Variants in SPTLC3 observed in about 807,000 individuals in gnomAD.
SPTLC3 encodes the protein serine palmitoyltransferase long chain base subunit 3.
In SPTLC3, 36 loss-of-function variants were observed where a neutral mutation model predicts 59.3. That is an observed-to-expected ratio of 0.61 (90% CI 0.47 to 0.80). SPTLC3 has a LOEUF of 0.80. Ranked by LOEUF, SPTLC3 falls within the 30% of genes least tolerant of loss-of-function variation. The probability of loss-of-function intolerance (pLI) is 0.00; values close to 1 mark genes in which losing one functional copy is unlikely to be tolerated. For missense variants in SPTLC3, 625 were observed against 685.1 expected (o/e 0.91, Z 0.98); for synonymous variants, 257 against 240.8 (o/e 1.07, Z -0.62).
intron 9 of SPTLC3, among the ~76,000 whole-genome samples, chr20:13,142,736 T>C (rs1352317283): frequency 2.0e-5 from 3 of 152,120 alleles, no homozygotes; most frequent in Admixed American, 1.3e-4. Flanking sequence ...TCCTCCAAGC[T>C]CACATGGCTG....
intron 2 of SPTLC3, among the ~76,000 whole-genome samples, chr20:13,067,674 A>G (rs950673832): frequency 2.6e-5 from 4 of 152,208 alleles, no homozygotes; most frequent in African/African-American, 9.7e-5. Flanking sequence ...TAAGAATAAA[A>G]TTTAAATTTA....
At chr20:13,112,580 T>A (rs1410834647) in intron 7 of SPTLC3, among the ~76,000 whole-genome samples, 1 of 152,186 alleles carries the variant, frequency 6.6e-6, no homozygotes, top group African/African-American at 2.4e-5. Context: ...TTGGAAGCCA[T>A]CCACCACAGT....
chr20:13,160,248 A>G, intron 11 of SPTLC3, 116 bp downstream of exon 11: 1 of 1,280,596 alleles, frequency 7.8e-7, no homozygotes, highest in Non-Finnish European at 1.0e-6. Context: ...TTAGGAAAAC[A>G]ACACTGACAA....
rs2039012910 is a variant in SPTLC3, at chr20:13,168,525, A to G, written c.*3658A>G. 6.6e-6 allele frequency: 1 copy of G among 152,132 alleles called. No homozygotes were observed. Among genetic ancestry groups the G allele is most frequent in the Admixed American group, 6.6e-5 (1 of 15,264 alleles). 9.4% of individuals were successfully genotyped at this position (152,132 alleles called of 1,614,324 possible). A position where few individuals can be genotyped will look rare whatever the true frequency, so the allele number is the denominator to read the frequency against. ...TTCTGTTTTCTTTTCCTGCTCTTTAAAAAACAACCTTCAACCTCTGATTAT... is the reference window on the plus strand; with the variant it reads ...TTCTGTTTTCTTTTCCTGCTCTTTAGAAAACAACCTTCAACCTCTGATTAT... On this transcript the variant is annotated 3_prime_UTR_variant, in exon 12 of 12. Transcript: ENST00000399002.
chr20:13,073,607 T>C (rs1203669287), intron 3 of SPTLC3: 2 of 238,958 alleles, frequency 8.4e-6, no homozygotes, highest in Non-Finnish European at 1.7e-5. Context: ...TAGGAGTTTG[T>C]TGACTTTGCT....
intron 1 of SPTLC3, among the ~76,000 whole-genome samples, chr20:13,018,089 G>C (rs1568564890): frequency 6.6e-6 from 1 of 152,114 alleles, no homozygotes. Flanking sequence ...CCAGCCCCAG[G>C]GTGTGTTTGC....
At chr20:13,048,447 G>A (rs142293899) in intron 1 of SPTLC3, among the ~76,000 whole-genome samples, 28 of 152,200 alleles carry the variant, frequency 1.8e-4, no homozygotes, top group Admixed American at 2.6e-4. Context: ...ACATAAGGTC[G>A]TTTACCATGT....
intron 5 of SPTLC3, among the ~76,000 whole-genome samples, chr20:13,093,040 T>C (rs1330444394): frequency 6.6e-6 from 1 of 152,082 alleles, no homozygotes; most frequent in African/African-American, 2.4e-5. Context: ...AAAATAAGAA[T>C]CAGAAGTAAG....
At chr20:13,067,779 T>C (rs1988280893) in intron 2 of SPTLC3, among the ~76,000 whole-genome samples, 1 of 152,216 alleles carries the variant, frequency 6.6e-6, no homozygotes, top group South Asian at 2.1e-4. Flanking sequence ...ATTTTGTTAT[T>C]ATCCCAAGTT....
chr20:13,160,231 G>A (rs1052550018), intron 11 of SPTLC3, 99 bp downstream of exon 11: 1 of 1,389,818 alleles, frequency 7.2e-7, no homozygotes, highest in Non-Finnish European at 9.5e-7. Flanking sequence ...GGTTTCTCTT[G>A]GGTTATTTAG....
At chr20:13,098,883 C>T (rs770357992) in intron 6 of SPTLC3, among the ~76,000 whole-genome samples, 18 of 152,198 alleles carry the variant, frequency 1.2e-4, no homozygotes, top group Admixed American at 2.0e-4. Flanking sequence ...TGGGTAAATA[C>T]TGCCCTTCCC....
chr20:13,059,497 A>G (rs1987865952), intron 2 of SPTLC3, among the ~76,000 whole-genome samples: 1 of 151,528 alleles, frequency 6.6e-6, no homozygotes, highest in Admixed American at 6.6e-5. Context: ...ATCCCTTGAA[A>G]CCTCCAGGTG....
At chr20:13,111,487 G>A (rs1353569575) in intron 7 of SPTLC3, among the ~76,000 whole-genome samples, 1 of 152,192 alleles carries the variant, frequency 6.6e-6, no homozygotes, top group Non-Finnish European at 1.5e-5. Flanking sequence ...ACAACACAGA[G>A]TTATCTAGCT....
At chr20:13,037,979 A>G (rs1348491634) in intron 1 of SPTLC3, among the ~76,000 whole-genome samples, 3 of 151,440 alleles carry the variant, frequency 2.0e-5, no homozygotes, top group Non-Finnish European at 4.4e-5. Context: ...AGAGTCCATC[A>G]GCCAGAATGA....
At chr20:13,112,924 T>C (rs138019156) in intron 7 of SPTLC3, among the ~76,000 whole-genome samples, 1 of 152,232 alleles carries the variant, frequency 6.6e-6, no homozygotes, top group Non-Finnish European at 1.5e-5. Flanking sequence ...GGCTCATGCC[T>C]GTAATCCTAT....
At chr20:13,009,828 TG>T (rs1344372476) in intron 1 of SPTLC3, among the ~76,000 whole-genome samples, 1 of 152,176 alleles carries the variant, frequency 6.6e-6, no homozygotes, top group Non-Finnish European at 1.5e-5. Context: ...CCATGAGAAA[TG>T]CATCACTGTT....
chr20:13,028,449 C>T (rs1986267029), intron 1 of SPTLC3, among the ~76,000 whole-genome samples: 2 of 152,062 alleles, frequency 1.3e-5, no homozygotes, highest in African/African-American at 4.8e-5. Flanking sequence ...AACCCCTTAT[C>T]CACTATCACT....
intron 2 of SPTLC3, among the ~76,000 whole-genome samples, chr20:13,052,712 G>T (rs530183636): frequency 3.3e-5 from 5 of 152,164 alleles, no homozygotes; most frequent in Non-Finnish European, 5.9e-5. Flanking sequence ...AGCAGGAGGG[G>T]CATCCACCAT....
chr20:13,146,887 A>G (rs2038523584), intron 9 of SPTLC3, among the ~76,000 whole-genome samples: 1 of 152,194 alleles, frequency 6.6e-6, no homozygotes, highest in Non-Finnish European at 1.5e-5. Context: ...GGCACTGCCA[A>G]TTTCCAGGTC....
Sources: allele counts gnomAD v4.1 joint callset (sites outside exome capture counted in the v4.1 genomes callset), GRCh38; gene constraint gnomAD v4.1.1; transcripts MANE v1.5; gene names NCBI Gene and HGNC (gene_info 2026-07-23, HGNC 2026-07-21).